Variants in SLC8A1 observed in about 807,000 individuals in gnomAD.
SLC8A1 encodes the protein solute carrier family 8 member A1, also known as sodium/calcium exchanger 1.
Under a neutral mutation model 68.3 loss-of-function variants are expected in SLC8A1, and 18 were observed. The observed-to-expected ratio is 0.26, with a 90% CI of 0.18 to 0.39. SLC8A1 has a LOEUF of 0.39. Among genes scored for constraint, SLC8A1 ranks in the 10% least tolerant of loss-of-function variants. The probability of loss-of-function intolerance (pLI) is 1.00; values close to 1 mark genes in which losing one functional copy is unlikely to be tolerated. For synonymous variants in SLC8A1, 475 were observed against 415.5 expected, an observed-to-expected ratio of 1.14 and a Z score of -1.74; for missense variants, 985 against 1,156.7, an observed-to-expected ratio of 0.85 and a Z score of 2.15.
intron 2 of SLC8A1, among the ~76,000 whole-genome samples, chr2:40,408,945 A>C (rs1031838244): frequency 6.6e-6 from 1 of 152,202 alleles, no homozygotes; most frequent in African/African-American, 2.4e-5. Context: ...AGAGAAAAAA[A>C]CAAAATTTTC....
intron 2 of SLC8A1, 113 bp from the exon 3 acceptor site, chr2:40,178,606 G>A (rs1039871362): frequency 5.7e-5 from 48 of 847,330 alleles, no homozygotes; most frequent in South Asian, 5.4e-4. Context: ...AACAGTAATC[G>A]AGAAACTTCT....
intron 2 of SLC8A1, among the ~76,000 whole-genome samples, chr2:40,237,536 T>C (rs1327385702): frequency 6.6e-6 from 1 of 151,772 alleles, no homozygotes; most frequent in Non-Finnish European, 1.5e-5. Context: ...TCAACTTCTT[T>C]GCCTTTGGTT....
intron 2 of SLC8A1, among the ~76,000 whole-genome samples, chr2:40,208,144 G>GTGTT (rs1366790762): frequency 6.6e-6 from 1 of 152,116 alleles, no homozygotes; most frequent in Non-Finnish European, 1.5e-5. Context: ...AAAATAAAGG[G>GTGTT]TGTTAGTAGT....
At chr2:40,117,340 T>C (rs1227936773) in intron 7 of SLC8A1, among the ~76,000 whole-genome samples, 1 of 138,700 alleles carries the variant, frequency 7.2e-6, no homozygotes, top group Non-Finnish European at 1.5e-5. Flanking sequence ...AGGTTAGGAG[T>C]TCGAGACCAG....
intron 2 of SLC8A1, among the ~76,000 whole-genome samples, chr2:40,414,470 T>A (rs534569332): frequency 6.6e-6 from 1 of 152,340 alleles, no homozygotes; most frequent in East Asian, 1.9e-4. Context: ...ACTAAAGCCC[T>A]CAGTAATTAT....
intron 2 of SLC8A1, among the ~76,000 whole-genome samples, chr2:40,428,139 T>C (rs901961303): frequency 2.0e-5 from 3 of 152,122 alleles, no homozygotes; most frequent in African/African-American, 4.8e-5. Flanking sequence ...TGATTCAAAA[T>C]AGAAGACCAA....
At chr2:40,325,658 T>A (rs970577004) in intron 2 of SLC8A1, among the ~76,000 whole-genome samples, 3 of 151,132 alleles carry the variant, frequency 2.0e-5, no homozygotes, top group Admixed American at 1.3e-4. Flanking sequence ...AAGCATCTCT[T>A]GGGCCGGGCG....
intron 2 of SLC8A1, among the ~76,000 whole-genome samples, chr2:40,302,437 TTGTGTGTGTGTG>T (rs60780425): frequency 1.5e-5 from 2 of 132,950 alleles, no homozygotes; most frequent in Admixed American, 7.5e-5. Context: ...TAGTATTCCA[TTGTGTGTGTGTG>T]TGTGTGTGTG....
chr2:40,263,017 A>T (rs902575570), intron 2 of SLC8A1, among the ~76,000 whole-genome samples: 1 of 152,274 alleles, frequency 6.6e-6, no homozygotes, highest in African/African-American at 2.4e-5. Context: ...AAATAACTTC[A>T]TGACATGGCT....
At chr2:40,328,397 TTC>T (rs1176138959) in intron 2 of SLC8A1, among the ~76,000 whole-genome samples, 2 of 152,160 alleles carry the variant, frequency 1.3e-5, no homozygotes, top group African/African-American at 4.8e-5. Context: ...AGTCCTTAAC[TTC>T]TTTCTTTTAA....
At chr2:40,392,341 C>A (rs750115600) in intron 2 of SLC8A1, among the ~76,000 whole-genome samples, 1 of 152,062 alleles carries the variant, frequency 6.6e-6, no homozygotes, top group Admixed American at 6.6e-5. Flanking sequence ...ATCTTATCTA[C>A]CCGTTCCCAC....
intron 2 of SLC8A1, among the ~76,000 whole-genome samples, chr2:40,203,028 G>A (rs2054695300): frequency 6.6e-6 from 1 of 151,946 alleles, no homozygotes; most frequent in African/African-American, 2.4e-5. Flanking sequence ...TGCTAGGCTT[G>A]GAGCCCACTC....
At chr2:40,490,341 A>C (rs1390815541) in intron 1 of SLC8A1, among the ~76,000 whole-genome samples, 1 of 152,180 alleles carries the variant, frequency 6.6e-6, no homozygotes, top group African/African-American at 2.4e-5. Context: ...AAAGGAAATA[A>C]GCACAGAATA....
intron 5 of SLC8A1, among the ~76,000 whole-genome samples, chr2:40,162,979 A>T (rs2045948571): frequency 6.6e-6 from 1 of 152,188 alleles, no homozygotes; most frequent in Admixed American, 6.5e-5. Context: ...AGATTTCTTA[A>T]ATAATATAAA....
intron 2 of SLC8A1, among the ~76,000 whole-genome samples, chr2:40,388,721 C>G (rs963834971): frequency 1.3e-5 from 2 of 152,118 alleles, no homozygotes; most frequent in Admixed American, 6.6e-5. Flanking sequence ...GAACAATGCT[C>G]TTTTGGTGAT....
intron 6 of SLC8A1, among the ~76,000 whole-genome samples, chr2:40,147,458 T>G (rs916937024): frequency 1.3e-5 from 2 of 152,130 alleles, no homozygotes; most frequent in Admixed American, 6.6e-5. Context: ...ACCTAAGAAA[T>G]AAGGCTTTGT....
chr2:40,478,121 T>C lies in SLC8A1; in HGVS notation c.-25+34228A>G, dbSNP rs1174324398. The stretch of plus-strand genomic sequence containing the variant: ...TCTTCCTGTTCTCTAATATCTCTAT[T>C]CTGTTTTCTGAAAATACTCAGCTAT... On this transcript the variant is annotated intron_variant, in intron 1 of 7. Coordinates refer to the SLC8A1 transcript ENST00000402441. Among the ~76,000 whole-genome samples the C allele has an allele frequency of 5.9e-5, 9 of 152,294 alleles. No individual in the cohort carries two copies. The East Asian group carries it at 1.7e-3, about 29-fold the overall frequency.
At chr2:40,484,968 C>A (rs1704863375) in intron 1 of SLC8A1, among the ~76,000 whole-genome samples, 1 of 152,078 alleles carries the variant, frequency 6.6e-6, no homozygotes, top group Admixed American at 6.6e-5. Flanking sequence ...CTGAAGAATT[C>A]AAGAAAATTT....
chr2:40,310,065 C>T lies in SLC8A1; in HGVS notation c.1808+118408G>A, dbSNP rs116648869. ...ATAAATGGAATCATACAATATGTCACCTTTTGTGTTTGGCTTCTTTCACCC... is the reference window on the plus strand; with the variant it reads ...ATAAATGGAATCATACAATATGTCATCTTTTGTGTTTGGCTTCTTTCACCC... On this transcript the variant is annotated intron_variant, in intron 2 of 7. Coordinates refer to ENST00000406785, the Ensembl canonical transcript of SLC8A1. Among the ~76,000 whole-genome samples the T allele has an allele frequency of 3.1e-3, 468 of 152,308 alleles. 2 individuals are homozygous for T. The highest frequency in any genetic ancestry group is 5.5e-3 in the Non-Finnish European group (371 of 68,024).
Sources: gnomAD v4.1 joint callset for allele counts (sites outside exome capture counted in the v4.1 genomes callset) on GRCh38, gnomAD v4.1.1 for gene constraint, MANE v1.5 for transcripts, NCBI Gene and HGNC (gene_info 2026-07-23, HGNC 2026-07-21) for gene names.